The following RIOK1 variants were observed in gnomAD, a reference collection of about 807,000 sequenced individuals.
RIOK1 encodes the protein RIO kinase 1.
In RIOK1, 66 loss-of-function variants were observed where a neutral mutation model predicts 73.5. That is an observed-to-expected ratio of 0.90 (90% CI 0.74 to 1.10). The LOEUF is 1.10. Among genes scored for constraint, RIOK1 ranks in the 50% least tolerant of loss-of-function variants. RIOK1 has a pLI of 0.00. For missense variants in RIOK1, 658 were observed against 699.8 expected, an observed-to-expected ratio of 0.94 and a Z score of 0.67; for synonymous variants, 224 against 226.8, an observed-to-expected ratio of 0.99 and a Z score of 0.11.
chr6:7,417,200 A>G (rs1762027246), intron 16 of RIOK1, 131 bp from the exon 17 acceptor site: 1 of 534,578 alleles, frequency 1.9e-6, no homozygotes, highest in Non-Finnish European at 3.3e-6. Flanking sequence ...GAAGTGAACC[A>G]TGGTCACGCC....
chr6:7,413,885 T>C (rs909171844), intron 15 of RIOK1, among the ~76,000 whole-genome samples: 1 of 152,248 alleles, frequency 6.6e-6, no homozygotes, highest in Non-Finnish European at 1.5e-5. Flanking sequence ...TGTGAAGTTA[T>C]CCATATAAAT....
chr6:7,393,227 A>G lies in RIOK1; in HGVS notation c.200A>G (p.Asp67Gly). Residue 67 changes from aspartate to glycine, a missense_variant, in exon 2 of 17, where the codon GAT (aspartate) becomes GGT (glycine). Coordinates refer to ENST00000379834, the MANE Select transcript of RIOK1 (RefSeq NM_031480.3). ...GAGGAGGAGGGTTATGACGATGATG[A>G]TGATGACTGGGACTGGGATGAAGGA... The part of the protein sequence containing the change: ...DEEEEGYDDD[D>G]DDWDWDEGVG... The G allele has an allele frequency of 6.2e-7, 1 of 1,613,998 alleles. No homozygotes were observed.
chr6:7,391,013 C>A (rs4960310), intron 1 of RIOK1, among the ~76,000 whole-genome samples: 1 of 152,098 alleles, frequency 6.6e-6, no homozygotes, highest in African/African-American at 2.4e-5. Context: ...GAAGTGGCAG[C>A]GTTTGGTGGT....
Position 7,404,554 on chromosome 6 carries a change from CTG to C in RIOK1, c.992+2_992+3del. The C allele has an allele frequency of 6.2e-7, 1 of 1,613,736 alleles. No homozygotes were observed. Among genetic ancestry groups the C allele is most frequent in the Non-Finnish European group, 8.5e-7 (1 of 1,179,776 alleles). Reference sequence around the variant, plus strand: ...TGCAGATCTCAGTGAATTTAACATGCTGTGAGTGTATTTTGTCTCTTAAGAAC... The same window carrying C: ...TGCAGATCTCAGTGAATTTAACATGCTGAGTGTATTTTGTCTCTTAAGAAC... On this transcript the variant is annotated splice_donor_variant and coding_sequence_variant, in exon 10 of 17. Transcript: ENST00000379834. LOFTEE classifies it high-confidence loss of function.
At position 7,389,884 on chromosome 6, in the gene RIOK1, TTC is replaced by T; in HGVS notation, c.-117_-116del. 1.4e-6 allele frequency: 1 copy of T among 739,884 alleles called. No homozygotes were observed. The highest frequency in any genetic ancestry group is 1.8e-5 in the South Asian group (1 of 54,872). 45.8% of individuals were successfully genotyped at this position (739,884 alleles called of 1,614,324 possible). A position where few individuals can be genotyped will look rare whatever the true frequency, so the allele number is the denominator to read the frequency against. ...GTCGCACGTGGTGGCCACTGTTGGCTTCTGAATGGTTTGCAAGGCGGATATCC... is the reference window on the plus strand; with the variant it reads ...GTCGCACGTGGTGGCCACTGTTGGCTTGAATGGTTTGCAAGGCGGATATCC... On this transcript the variant is annotated 5_prime_UTR_variant, in exon 1 of 17. Transcript: ENST00000379834.
chr6:7,400,580 A>C (rs1197373542), intron 5 of RIOK1, among the ~76,000 whole-genome samples: 1 of 152,256 alleles, frequency 6.6e-6, no homozygotes, highest in African/African-American at 2.4e-5. Flanking sequence ...GTTAAATAAA[A>C]TATATTAAGA....
At position 7,402,804 on chromosome 6, in the gene RIOK1, T is replaced by C; in HGVS notation, c.687-13T>C. On this transcript the variant is annotated splice_polypyrimidine_tract_variant and intron_variant, in intron 7 of 16. Transcript: ENST00000379834. ...TGGAATGATTGAAATAATAAACATT[T>C]TTCTTATTCAAGATTTCGTCATGGC... 6.2e-7 allele frequency: 1 copy of C among 1,608,148 alleles called. No individual in the cohort carries two copies. Among genetic ancestry groups the C allele is most frequent in the South Asian group, 1.1e-5 (1 of 90,272 alleles).
At chr6:7,403,628 A>G (rs1267806414) in intron 8 of RIOK1, among the ~76,000 whole-genome samples, 3 of 152,198 alleles carry the variant, frequency 2.0e-5, no homozygotes, top group African/African-American at 7.2e-5. Context: ...AACACAAAAG[A>G]TACTTGTGGA....
chr6:7,393,139 A>T lies in RIOK1; in HGVS notation c.112A>T (p.Ile38Phe). 1 of 1,613,924 alleles carries T rather than the reference A, an allele frequency of 6.2e-7. No homozygotes were observed. Reference sequence around the variant, plus strand: ...GAAGACAGTCAAAGAGAAGGATGACATTCTGTTTGAAGACCTTCAAGACAA... The same window carrying T: ...GAAGACAGTCAAAGAGAAGGATGACTTTCTGTTTGAAGACCTTCAAGACAA... ...DLKTVKEKDD[I>F]LFEDLQDNVN... Residue 38 changes from isoleucine to phenylalanine, a missense_variant, in exon 2 of 17, where the codon ATT (isoleucine) becomes TTT (phenylalanine). By Grantham distance (21) the Ile-to-Phe change is conservative (BLOSUM62 0). Transcript: ENST00000379834.
intron 1 of RIOK1, among the ~76,000 whole-genome samples, chr6:7,390,547 A>C (rs1761306319): frequency 6.6e-6 from 1 of 152,236 alleles, no homozygotes; most frequent in Non-Finnish European, 1.5e-5. Context: ...ATCGTTTGAT[A>C]TACCAAGTGG....
At position 7,414,245 on chromosome 6, in the gene RIOK1, C is replaced by A; in HGVS notation, c.1451C>A (p.Ala484Glu). ...KDLSGVQKVPALLENQVEERT... is the reference protein window; with the variant it reads ...KDLSGVQKVPELLENQVEERT... ...TTCTTTAATAATTTCAAGGTCCCTG[C>A]ACTCCTAGAAAATCAAGTGGAGGAA... Residue 484 changes from alanine (A) to glutamate (E), a missense_variant, in exon 16 of 17, where the codon GCA becomes GAA. Physicochemically the swap from Ala to Glu is moderately radical, Grantham distance 107. Coordinates refer to ENST00000379834, the MANE Select transcript of RIOK1 (RefSeq NM_031480.3). The A allele has an allele frequency of 6.2e-7, 1 of 1,611,618 alleles. No individual in the cohort carries two copies. The highest frequency in any genetic ancestry group is 8.5e-7 in the Non-Finnish European group (1 of 1,179,126).
intron 1 of RIOK1, among the ~76,000 whole-genome samples, chr6:7,391,700 T>C (rs1011608486): frequency 1.3e-5 from 2 of 152,190 alleles, no homozygotes; most frequent in African/African-American, 4.8e-5. Context: ...ATGTCACAGC[T>C]GGGGGTGGTG....
Position 7,402,622 on chromosome 6 carries a change from G to C in RIOK1, c.593G>C (p.Ser198Thr). Reference protein sequence around the residue: ...TGKEANVYHASTANGESRAIK... With the variant: ...TGKEANVYHATTANGESRAIK... Reference sequence around the variant, plus strand: ...ATATAGGCTAATGTATACCATGCTAGCACAGCAAATGGAGAGAGCAGAGCA... The same window carrying C: ...ATATAGGCTAATGTATACCATGCTACCACAGCAAATGGAGAGAGCAGAGCA... Residue 198 changes from serine (S) to threonine (T), a missense_variant, in exon 7 of 17, where the codon AGC (serine) becomes ACC (threonine). Ser to Thr is a moderately conservative substitution (Grantham distance 58, BLOSUM62 1). Coordinates refer to ENST00000379834, the MANE Select transcript of RIOK1 (RefSeq NM_031480.3). 6.8e-6 allele frequency: 11 copies of C among 1,607,536 alleles called. No individual in the cohort carries two copies. The highest frequency in any genetic ancestry group is 9.3e-6 in the Non-Finnish European group (11 of 1,177,482).
At chr6:7,403,354 A>C (rs1761659197) in intron 8 of RIOK1, among the ~76,000 whole-genome samples, 1 of 152,182 alleles carries the variant, frequency 6.6e-6, no homozygotes, top group East Asian at 1.9e-4. Context: ...TCCTTTTCTT[A>C]GTCCAGTTTT....
intron 16 of RIOK1, among the ~76,000 whole-genome samples, chr6:7,415,324 A>T (rs1301084631): frequency 6.6e-6 from 1 of 152,182 alleles, no homozygotes; most frequent in Non-Finnish European, 1.5e-5. Context: ...GGATCCCTTG[A>T]GTCCAGAAGT....
chr6:7,396,846 T>G, intron 4 of RIOK1, 74 bp downstream of exon 4: 1 of 812,920 alleles, frequency 1.2e-6, no homozygotes, highest in Non-Finnish European at 2.1e-6. Flanking sequence ...ATCATAATTC[T>G]TTTACAGAGG....
intron 12 of RIOK1, among the ~76,000 whole-genome samples, chr6:7,408,422 C>T (rs1054762759): frequency 6.6e-6 from 1 of 152,226 alleles, no homozygotes; most frequent in Non-Finnish European, 1.5e-5. Flanking sequence ...AACTTTGCTC[C>T]GCCTGGTGAA....
Position 7,404,493 on chromosome 6 carries a change from C to T in RIOK1, c.930C>T (p.Tyr310=), listed in dbSNP as rs376999534. The T allele has an allele frequency of 3.2e-5, 52 of 1,613,980 alleles. No homozygotes were observed. Among genetic ancestry groups the T allele is most frequent in the Non-Finnish European group, 3.7e-5 (44 of 1,179,962 alleles). The stretch of plus-strand genomic sequence containing the variant: ...AGTTGTACCTGCAGGTCATTCAGTA[C>T]ATGAGAAGAATGTATCAGGATGCCA... ...ARELYLQVIQ[Y]MRRMYQDARL... is the part of the protein sequence containing the mutation. The change falls in exon 10 of 17, where the codon TAC becomes TAT. Residue 310 remains tyrosine, a synonymous_variant. Coordinates refer to ENST00000379834, the MANE Select transcript of RIOK1 (RefSeq NM_031480.3).
At chr6:7,411,602 C>A in intron 14 of RIOK1, 151 bp downstream of exon 14, 1 of 719,192 alleles carries the variant, frequency 1.4e-6, no homozygotes, top group East Asian at 2.9e-5. Context: ...AACTTGTGTG[C>A]ACATTGAACG....
Sources: allele counts gnomAD v4.1 joint callset (sites outside exome capture counted in the v4.1 genomes callset), GRCh38; gene constraint gnomAD v4.1.1; transcripts MANE v1.5; gene names NCBI Gene and HGNC (gene_info 2026-07-23, HGNC 2026-07-21).